The following CORIN variants were observed in gnomAD, a reference collection of about 807,000 sequenced individuals.
CORIN encodes corin, serine peptidase.
A neutral mutation model predicts 125.3 loss-of-function variants in CORIN; 117 were observed. That is an observed-to-expected ratio of 0.93 (90% CI 0.80 to 1.09). The LOEUF is 1.09. Among genes scored for constraint, CORIN ranks in the 50% least tolerant of loss-of-function variants. The pLI is 0.00. For synonymous variants in CORIN, 450 were observed against 466.4 expected, an observed-to-expected ratio of 0.96 and a Z score of 0.45; for missense variants, 1,253 against 1,306.7, an observed-to-expected ratio of 0.96 and a Z score of 0.63.
At chr4:47,624,879 GAAA>G (rs35400340) in intron 17 of CORIN, among the ~76,000 whole-genome samples, 4 of 147,922 alleles carry the variant, frequency 2.7e-5, no homozygotes, top group Admixed American at 2.7e-4. Flanking sequence ...CTATCAGATT[GAAA>G]AAAAAAAATG....
At chr4:47,825,860 T>C (rs946214214) in intron 1 of CORIN, among the ~76,000 whole-genome samples, 12 of 151,528 alleles carry the variant, frequency 7.9e-5, no homozygotes, top group African/African-American at 2.4e-4. Flanking sequence ...CCCACCACCA[T>C]GTCTGGTCAA....
chr4:47,595,566 T>G lies in CORIN; in HGVS notation c.*155A>C. 2.1e-6 allele frequency: 1 copy of G among 477,600 alleles called. No homozygotes were observed. The highest frequency in any genetic ancestry group is 3.6e-6 in the Non-Finnish European group (1 of 274,580). The allele number at this position is 477,600 out of a possible 1,614,324, so 29.6% of individuals were successfully genotyped here. A position where few individuals can be genotyped will look rare whatever the true frequency, so the allele number is the denominator to read the frequency against. Reference sequence around the variant, plus strand: ...AGGTGAAAAAATAAATTGAAAAAAATTAGTCCAAAACAAACATGCAAATTT... The same window carrying G: ...AGGTGAAAAAATAAATTGAAAAAAAGTAGTCCAAAACAAACATGCAAATTT... On this transcript the variant is annotated 3_prime_UTR_variant, in exon 22 of 22. Coordinates refer to ENST00000273857, the MANE Select transcript of CORIN (RefSeq NM_006587.4).
chr4:47,708,588 A>T (rs1403715673), intron 5 of CORIN, among the ~76,000 whole-genome samples: 1 of 152,094 alleles, frequency 6.6e-6, no homozygotes, highest in Non-Finnish European at 1.5e-5. Context: ...TCCCTACCAC[A>T]GGTGCCTTAA....
At chr4:47,722,705 G>T (rs978739655) in intron 5 of CORIN, among the ~76,000 whole-genome samples, 1 of 152,082 alleles carries the variant, frequency 6.6e-6, no homozygotes, top group Admixed American at 6.5e-5. Flanking sequence ...ACCGAAATAC[G>T]TATCTTAAAA....
intron 5 of CORIN, among the ~76,000 whole-genome samples, chr4:47,700,123 A>T (rs61761821): frequency 0.018 from 2,778 of 152,324 alleles, 87 homozygotes; most frequent in African/African-American, 0.063. Flanking sequence ...GTCAAAAACA[A>T]GTTTGAAAAC....
At position 47,623,618 on chromosome 4, in the gene CORIN, G is replaced by T; in HGVS notation, c.2493C>A (p.Val831=). The T allele has an allele frequency of 2.5e-6, 4 of 1,614,172 alleles. No homozygotes were observed. Among genetic ancestry groups the T allele is most frequent in the Non-Finnish European group, 3.4e-6 (4 of 1,180,020 alleles). ...TCAGAACCCACTTCTTGGCAATGAG[G>T]ACACAGCCACAGATATGTCCACTGG... ...SEPSGHICGC[V]LIAKKWVLTV... The change falls in exon 19 of 22, where the codon GTC becomes GTA. Residue 831 remains valine, a synonymous_variant. Coordinates refer to ENST00000273857, the MANE Select transcript of CORIN (RefSeq NM_006587.4).
rs367868376 is a variant in CORIN at position 47,710,588 on chromosome 4, GC to G, written c.800-17506del. Reference sequence around the variant, plus strand: ...CTGGCCTCACAGGGGTACCAGTGCTGCCCCCCTATAGAGCTCCTCCTTCCCC... The same window carrying G: ...CTGGCCTCACAGGGGTACCAGTGCTGCCCCCTATAGAGCTCCTCCTTCCCC... On this transcript the variant is annotated intron_variant, in intron 5 of 21. Transcript: ENST00000273857. Among the ~76,000 whole-genome samples the G allele has an allele frequency of 5.3e-5, 8 of 152,274 alleles. 1 individual carries two copies. The highest frequency in any genetic ancestry group is 2.6e-4 in the Admixed American group (4 of 15,284).
chr4:47,834,965 G>C (rs1036452630), intron 1 of CORIN, among the ~76,000 whole-genome samples: 2 of 152,108 alleles, frequency 1.3e-5, no homozygotes, highest in African/African-American at 4.8e-5. Context: ...AGAGCCTTGC[G>C]GTTCTTAAGG....
chr4:47,731,238 T>A (rs1727858344), intron 5 of CORIN, among the ~76,000 whole-genome samples: 1 of 152,216 alleles, frequency 6.6e-6, no homozygotes, highest in South Asian at 2.1e-4. Context: ...TCGTTTGACA[T>A]GCCTTTTAGA....
intron 3 of CORIN, among the ~76,000 whole-genome samples, chr4:47,772,349 C>T (rs113428606): frequency 2.6e-5 from 4 of 152,274 alleles, no homozygotes; most frequent in Admixed American, 1.3e-4. Flanking sequence ...GCGCCATTGG[C>T]GTGAAGGTAG....
chr4:47,653,761 A>G (rs1723841884), intron 12 of CORIN, 101 bp from the exon 13 acceptor site: 1 of 1,020,332 alleles, frequency 9.8e-7, no homozygotes, highest in Non-Finnish European at 1.5e-6. Flanking sequence ...TTTACTGAAG[A>G]TAAGGGTGGT....
At chr4:47,743,722 T>TAA (rs1458229958) in intron 5 of CORIN, among the ~76,000 whole-genome samples, 2 of 152,060 alleles carry the variant, frequency 1.3e-5, no homozygotes, top group African/African-American at 4.8e-5. Context: ...ATGTCTCTAC[T>TAA]AAAAATACAA....
chr4:47,744,297 G>T, intron 5 of CORIN, 105 bp downstream of exon 5: 3 of 1,060,834 alleles, frequency 2.8e-6, no homozygotes, highest in Non-Finnish European at 4.1e-6. Context: ...CTTGTCACTT[G>T]GTTAAAATTT....
At chr4:47,733,303 C>T (rs1727971118) in intron 5 of CORIN, among the ~76,000 whole-genome samples, 1 of 152,188 alleles carries the variant, frequency 6.6e-6, no homozygotes, top group South Asian at 2.1e-4. Context: ...GCAAAATATC[C>T]ATATAAGTAC....
intron 5 of CORIN, among the ~76,000 whole-genome samples, chr4:47,712,383 A>G (rs1289428125): frequency 3.3e-5 from 5 of 152,196 alleles, no homozygotes; most frequent in Non-Finnish European, 5.9e-5. Context: ...CCCAGGCTCA[A>G]GTGATCCTCC....
chr4:47,822,111 A>AT (rs1732542843), intron 1 of CORIN, among the ~76,000 whole-genome samples: 1 of 152,246 alleles, frequency 6.6e-6, no homozygotes, highest in South Asian at 2.1e-4. Flanking sequence ...CTTAGGGTAG[A>AT]TTTTTTAAAA....
intron 10 of CORIN, among the ~76,000 whole-genome samples, chr4:47,666,439 C>T (rs1724486156): frequency 6.6e-6 from 1 of 152,186 alleles, no homozygotes; most frequent in Non-Finnish European, 1.5e-5. Context: ...GTCTCTGCCA[C>T]TGAGGAACTC....
intron 14 of CORIN, among the ~76,000 whole-genome samples, chr4:47,643,974 T>A (rs1177347044): frequency 6.6e-6 from 1 of 152,236 alleles, no homozygotes; most frequent in Non-Finnish European, 1.5e-5. Context: ...GTTGTGTGAT[T>A]GTGCTTCACA....
At chr4:47,662,601 A>G (rs1022581420) in intron 11 of CORIN, among the ~76,000 whole-genome samples, 17 of 152,056 alleles carry the variant, frequency 1.1e-4, no homozygotes, top group Non-Finnish European at 1.5e-5. Flanking sequence ...GTCTCAATAT[A>G]TTACTAAGAA....
Sources: gnomAD v4.1 joint callset for allele counts (sites outside exome capture counted in the v4.1 genomes callset) on GRCh38, gnomAD v4.1.1 for gene constraint, MANE v1.5 for transcripts, NCBI Gene and HGNC (gene_info 2026-07-23, HGNC 2026-07-21) for gene names.